PARD3B: variants seen among roughly 807,000 people sequenced by gnomAD.
The protein encoded by PARD3B is partitioning defective 3 homolog B.
PARD3B carries 103 observed loss-of-function variants against 130.2 expected under a neutral mutation model. That is an observed-to-expected ratio of 0.79 (90% confidence interval 0.67 to 0.93). The LOEUF is 0.93. Ranked by LOEUF, PARD3B falls within the 40% of genes least tolerant of loss-of-function variation. PARD3B has a pLI of 0.00. For missense variants in PARD3B, 1,609 were observed against 1,499.2 expected, an observed-to-expected ratio of 1.07 and a Z score of -1.21; for synonymous variants, 583 against 553.2, an observed-to-expected ratio of 1.05 and a Z score of -0.76.
Position 205,119,022 on chromosome 2 carries a change from A to G in PARD3B, c.782A>G (p.Asp261Gly). ...TGTATTGTAAAAATCAACAATGTGG[A>G]TCTCGTAGACAAAACCTTTGCTCAG... ...NECIVKINNV[D>G]LVDKTFAQAQ... Residue 261 changes from aspartate to glycine, a missense_variant, in exon 7 of 23, where the codon GAT (aspartate) becomes GGT (glycine). Asp to Gly is a moderately conservative substitution (Grantham distance 94). Coordinates refer to ENST00000406610, the MANE Select transcript of PARD3B (RefSeq NM_001302769.2). 6.2e-7 allele frequency: 1 copy of G among 1,607,466 alleles called. No homozygotes were observed. Among genetic ancestry groups the G allele is most frequent in the Non-Finnish European group, 8.5e-7 (1 of 1,177,734 alleles).
chr2:204,562,725 T>C (rs974513205), intron 1 of PARD3B, among the ~76,000 whole-genome samples: 2 of 152,150 alleles, frequency 1.3e-5, no homozygotes, highest in Non-Finnish European at 2.9e-5. Context: ...TATAGACACA[T>C]TTATAGAGAT....
At chr2:204,719,159 A>G (rs1460006772) in intron 2 of PARD3B, among the ~76,000 whole-genome samples, 2 of 152,198 alleles carry the variant, frequency 1.3e-5, no homozygotes, top group African/African-American at 4.8e-5. Context: ...TCATTTTGTT[A>G]AAGACGGGGC....
chr2:204,575,279 A>G (rs891566348), intron 1 of PARD3B, among the ~76,000 whole-genome samples: 6 of 152,238 alleles, frequency 3.9e-5, no homozygotes, highest in African/African-American at 1.4e-4. Flanking sequence ...TTTTGGTTTT[A>G]AAGGCATTCA....
At chr2:204,991,080 T>A (rs1326555613) in intron 3 of PARD3B, among the ~76,000 whole-genome samples, 1 of 152,078 alleles carries the variant, frequency 6.6e-6, no homozygotes, top group Non-Finnish European at 1.5e-5. Context: ...TTCTTTTTTT[T>A]TTTTTATTAT....
At position 205,491,728 on chromosome 2, in the gene PARD3B, C is replaced by T. The variant is rs1263096469; in HGVS notation, c.3045-8168C>T. ...GGAGTCAAAGGATCAGTTTACCAAGCTAGGGATGGAAATACTAAGACAAGG... is the reference window on the plus strand; with the variant it reads ...GGAGTCAAAGGATCAGTTTACCAAGTTAGGGATGGAAATACTAAGACAAGG... On this transcript the variant is annotated intron_variant, in intron 20 of 22. Transcript: ENST00000406610. 1.4e-4 allele frequency among the ~76,000 whole-genome samples: 22 copies of T among 152,100 alleles called. 1 individual carries two copies. Among genetic ancestry groups the T allele is most frequent in the Admixed American group, 1.4e-3 (21 of 15,254 alleles).
At chr2:205,047,974 A>G (rs1698920323) in intron 4 of PARD3B, 2 of 237,174 alleles carry the variant, frequency 8.4e-6, no homozygotes, top group South Asian at 2.7e-4. Context: ...TTTTATCTCC[A>G]TTTAACTGAT....
At chr2:204,574,457 C>A (rs1230069344) in intron 1 of PARD3B, among the ~76,000 whole-genome samples, 1 of 152,192 alleles carries the variant, frequency 6.6e-6, no homozygotes, top group East Asian at 1.9e-4. Flanking sequence ...TATGTAGATA[C>A]TTAACATCTG....
At chr2:204,740,519 G>T (rs2039965550) in intron 2 of PARD3B, among the ~76,000 whole-genome samples, 1 of 152,194 alleles carries the variant, frequency 6.6e-6, no homozygotes, top group Admixed American at 6.5e-5. Context: ...GCAGGGTATG[G>T]CAGGGATGCC....
intron 22 of PARD3B, among the ~76,000 whole-genome samples, chr2:205,553,731 C>T (rs904387246): frequency 2.6e-5 from 4 of 152,122 alleles, no homozygotes; most frequent in Non-Finnish European, 5.9e-5. Flanking sequence ...ATAGTAAATC[C>T]TCTGTCCTAG....
chr2:204,758,264 C>CTA (rs1472580964), intron 2 of PARD3B, among the ~76,000 whole-genome samples: 3 of 152,132 alleles, frequency 2.0e-5, no homozygotes, highest in African/African-American at 7.2e-5. Context: ...GGTCACTTGG[C>CTA]TAAAACAAGT....
intron 4 of PARD3B, chr2:205,048,375 A>T (rs1698947135): frequency 6.6e-6 from 1 of 152,202 alleles, no homozygotes; most frequent in African/African-American, 2.4e-5. Flanking sequence ...TCCTGAAGAG[A>T]TGATATTCTC....
intron 2 of PARD3B, among the ~76,000 whole-genome samples, chr2:204,899,946 G>T (rs1483846880): frequency 6.7e-6 from 1 of 150,018 alleles, no homozygotes; most frequent in East Asian, 1.9e-4. Flanking sequence ...ACTCTCTCCC[G>T]ACCTATCAGG....
rs552183557 is a variant in PARD3B at position 205,356,132 on chromosome 2, G to A, written c.2631-44881G>A. Among the ~76,000 whole-genome samples the A allele has an allele frequency of 3.3e-5, 5 of 152,246 alleles. No individual in the cohort carries two copies. The South Asian group carries it at 1.0e-3, about 32-fold the overall frequency. ...GAGCAAGCCACTGGTGCCCCTTCTT[G>A]CCTAATGTCTAAAAATTCCTTTTCC... On this transcript the variant is annotated intron_variant, in intron 18 of 22. Transcript: ENST00000406610.
chr2:205,181,476 G>A (rs1249615746), intron 13 of PARD3B, among the ~76,000 whole-genome samples: 1 of 152,216 alleles, frequency 6.6e-6, no homozygotes, highest in Admixed American at 6.5e-5. Flanking sequence ...TAAAGTGCAA[G>A]ATAGTAAATA....
At chr2:204,618,583 T>A (rs1384240273) in intron 1 of PARD3B, among the ~76,000 whole-genome samples, 1 of 152,196 alleles carries the variant, frequency 6.6e-6, no homozygotes, top group East Asian at 1.9e-4. Flanking sequence ...TTCTTTGCAT[T>A]ATGAAGTCAT....
At chr2:204,872,606 A>G (rs187140942) in intron 2 of PARD3B, among the ~76,000 whole-genome samples, 1 of 152,300 alleles carries the variant, frequency 6.6e-6, no homozygotes, top group Admixed American at 6.5e-5. Flanking sequence ...ATACTGTTTA[A>G]TATCTGTTAG....
At chr2:204,619,407 G>A (rs1419559864) in intron 1 of PARD3B, among the ~76,000 whole-genome samples, 1 of 152,178 alleles carries the variant, frequency 6.6e-6, no homozygotes, top group African/African-American at 2.4e-5. Context: ...AAGTAAAAAT[G>A]TCTTGAGCAT....
At chr2:205,387,716 C>T (rs1358273414) in intron 18 of PARD3B, among the ~76,000 whole-genome samples, 1 of 152,132 alleles carries the variant, frequency 6.6e-6, no homozygotes, top group Non-Finnish European at 1.5e-5. Flanking sequence ...TTGGAGGTCA[C>T]TTCAATATTA....
rs148783012 is a variant in PARD3B at position 204,579,398 on chromosome 2, C to T, written c.120+33279C>T. Among the ~76,000 whole-genome samples the T allele has an allele frequency of 3.5e-3, 534 of 151,980 alleles. 1 individual carries two copies. The highest frequency in any genetic ancestry group is 6.1e-3 in the Non-Finnish European group (415 of 67,966). On this transcript the variant is annotated intron_variant, in intron 1 of 22. Transcript: ENST00000406610. ...TTCATTCTTGGTGGTTCCCAGGGAG[C>T]GCGAGGAATGATGTCAGCAGAGCCG...
Sources: gnomAD v4.1 joint callset for allele counts (sites outside exome capture counted in the v4.1 genomes callset) on GRCh38, gnomAD v4.1.1 for gene constraint, MANE v1.5 for transcripts, NCBI Gene and HGNC (gene_info 2026-07-23, HGNC 2026-07-21) for gene names.